The following PAM16 variants were observed in gnomAD, a reference collection of about 807,000 sequenced individuals.
PAM16 encodes mitochondrial import inner membrane translocase subunit TIM16.
PAM16 carries 11 observed loss-of-function variants against 17.9 expected under a neutral mutation model. The observed-to-expected ratio is 0.62, with a 90% CI of 0.39 to 1.02. The LOEUF is 1.02. Ranked by LOEUF, PAM16 falls within the 50% of genes least tolerant of loss-of-function variation. The pLI, the probability that PAM16 is intolerant of heterozygous loss-of-function variation, is 0.01. For missense variants in PAM16, 199 were observed against 165.4 expected, an observed-to-expected ratio of 1.20 and a Z score of -1.11; for synonymous variants, 72 against 67.4, an observed-to-expected ratio of 1.07 and a Z score of -0.34.
chr16:4,340,340 T>G lies in PAM16; in HGVS notation c.357A>C (p.Lys119Asn). The G allele has an allele frequency of 1.9e-6, 3 of 1,612,810 alleles. No individual in the cohort carries two copies. The highest frequency in any genetic ancestry group is 2.5e-6 in the Non-Finnish European group (3 of 1,179,796). Residue 119 changes from lysine (K) to asparagine (N), a missense_variant, in exon 5 of 5, where the codon AAA becomes AAC. Coordinates refer to ENST00000318059, the MANE Select transcript of PAM16 (RefSeq NM_016069.11). ...LKIQAQEDRE[K>N]GQMPHT ...GCAGTCACGTATGGGGCATCTGCCC[T>G]TTTTCTCTGTCCTCCTGGGCCTGGA...
chr16:4,341,121 TGA>T, intron 3 of PAM16, 136 bp from the exon 4 acceptor site: 1 of 1,267,634 alleles, frequency 7.9e-7, no homozygotes, highest in Non-Finnish European at 1.1e-6. Context: ...TTGTGGCCAC[TGA>T]GAGGCAGAGA....
At chr16:4,342,715 C>T (rs2053668047) in intron 2 of PAM16, among the ~76,000 whole-genome samples, 1 of 151,958 alleles carries the variant, frequency 6.6e-6, no homozygotes, top group Admixed American at 6.6e-5. Flanking sequence ...ACCTGTAATC[C>T]CAGCACTTTG....
intron 2 of PAM16, 21 bp downstream of exon 2, chr16:4,343,186 G>A (rs1241967340): frequency 1.5e-5 from 24 of 1,612,048 alleles, no homozygotes; most frequent in Admixed American, 1.0e-4. Flanking sequence ...CAGCCCACAG[G>A]GGAGACGGAC....
intron 3 of PAM16, 142 bp from the exon 4 acceptor site, chr16:4,341,127 G>T: frequency 8.2e-7 from 1 of 1,224,822 alleles, no homozygotes; most frequent in Non-Finnish European, 1.2e-6. Flanking sequence ...CCACTGAGAG[G>T]CAGAGATGGG....
At chr16:4,345,670 C>T (rs1165643299) in intron 1 of PAM16, 1 of 166,296 alleles carries the variant, frequency 6.0e-6, no homozygotes, top group Non-Finnish European at 1.2e-5. Context: ...TTCTGGATTT[C>T]ACAGCAGAAA....
Position 4,341,352 on chromosome 16 carries a change from G to A in PAM16, c.225+16C>T. 1 of 1,561,662 alleles carries A rather than the reference G, an allele frequency of 6.4e-7. No homozygotes were observed. Among genetic ancestry groups the A allele is most frequent in the Non-Finnish European group, 8.7e-7 (1 of 1,152,542 alleles). On this transcript the variant is annotated intron_variant, in intron 3 of 4. Coordinates refer to ENST00000318059, the MANE Select transcript of PAM16 (RefSeq NM_016069.11). ...GCCTCTCCCTCTCAAACTTTGGGGT[G>A]GCCCAGTGGCCTCACCTTCTGGACC...
At chr16:4,346,056 T>G in intron 1 of PAM16, 1 of 756,672 alleles carries the variant, frequency 1.3e-6, no homozygotes, top group African/African-American at 1.9e-5. Context: ...CTGGGGAGCT[T>G]CCCCGACCAT....
intron 1 of PAM16, chr16:4,343,593 G>C: frequency 7.2e-7 from 1 of 1,380,400 alleles, no homozygotes; most frequent in Non-Finnish European, 9.3e-7. Flanking sequence ...TGCAACCACC[G>C]GCTTCAGGAA....
chr16:4,351,159 G>C, intron 1 of PAM16, 73 bp downstream of exon 1: 2 of 922,572 alleles, frequency 2.2e-6, no homozygotes, highest in Non-Finnish European at 2.9e-6. Flanking sequence ...CCAGCCCGGA[G>C]CTCGCCGCCC....
intron 1 of PAM16, among the ~76,000 whole-genome samples, chr16:4,349,848 C>G (rs1319460912): frequency 6.6e-6 from 1 of 152,100 alleles, no homozygotes; most frequent in Non-Finnish European, 1.5e-5. Context: ...GGATGCATGA[C>G]TATGGTGGAG....
Position 4,343,095 on chromosome 16 carries a change from C to T in PAM16, c.88+112G>A, listed in dbSNP as rs551343355. Reference sequence around the variant, plus strand: ...GCATCACCCCCCACCATGGGAAGTGCCTCAGGCCACGCACACTTCAGAACC... The same window carrying T: ...GCATCACCCCCCACCATGGGAAGTGTCTCAGGCCACGCACACTTCAGAACC... On this transcript the variant is annotated intron_variant, in intron 2 of 4. Transcript: ENST00000318059. 13 of 1,417,930 alleles carry T rather than the reference C, an allele frequency of 9.2e-6. No individual in the cohort carries two copies. The African/African-American group carries it at 1.7e-4, about 19-fold the overall frequency. The allele number at this position is 1,417,930 out of a possible 1,614,324, so 87.8% of individuals were successfully genotyped here.
intron 1 of PAM16, among the ~76,000 whole-genome samples, chr16:4,344,941 C>G (rs902183793): frequency 2.6e-5 from 4 of 151,844 alleles, no homozygotes; most frequent in African/African-American, 9.7e-5. Flanking sequence ...GGCAGAGGGA[C>G]TGGGTTGAGC....
chr16:4,342,814 C>T (rs1163049416), intron 2 of PAM16, among the ~76,000 whole-genome samples: 1 of 151,962 alleles, frequency 6.6e-6, no homozygotes, highest in African/African-American at 2.4e-5. Context: ...CAAAAATTAG[C>T]CTGGTATGGT....
intron 1 of PAM16, chr16:4,345,793 C>T (rs2053749240): frequency 1.7e-5 from 17 of 976,508 alleles, no homozygotes; most frequent in South Asian, 4.7e-5. Context: ...CACCTGACTT[C>T]GCCTCCTTCC....
At position 4,351,277 on chromosome 16, in the gene PAM16, C is replaced by G; in HGVS notation, c.-43G>C. The stretch of plus-strand genomic sequence containing the variant: ...CGGGGCTCAAACTCCGACTTCCTGG[C>G]CCCGCGGCCGGGGATCAAGCGTGGT... On this transcript the variant is annotated 5_prime_UTR_variant, in exon 1 of 5. Coordinates refer to ENST00000318059, the MANE Select transcript of PAM16 (RefSeq NM_016069.11). The G allele has an allele frequency of 6.9e-7, 1 of 1,450,158 alleles. No homozygotes were observed. 89.8% of individuals were successfully genotyped at this position (1,450,158 alleles called of 1,614,324 possible).
chr16:4,344,093 T>C (rs2053694775), intron 1 of PAM16: 3 of 397,376 alleles, frequency 7.5e-6, no homozygotes, highest in Admixed American at 8.9e-5. Flanking sequence ...CACGTGTGAT[T>C]CCATGCCCCG....
At chr16:4,341,790 T>G (rs2053652578) in intron 2 of PAM16, 3 of 457,424 alleles carry the variant, frequency 6.6e-6, no homozygotes, top group African/African-American at 1.9e-5. Flanking sequence ...AACCCCCATA[T>G]CCCAGGGGAA....
chr16:4,341,618 G>T, intron 2 of PAM16, 114 bp from the exon 3 acceptor site: 1 of 1,459,318 alleles, frequency 6.9e-7, no homozygotes. Flanking sequence ...CACAGGGACA[G>T]GTGGCTAGGA....
At chr16:4,345,165 A>G (rs1395856277) in intron 1 of PAM16, 1 of 152,174 alleles carries the variant, frequency 6.6e-6, no homozygotes, top group African/African-American at 2.4e-5. Context: ...GCAGCTCGGC[A>G]TAGGTTGAAA....
Sources: gnomAD v4.1 joint callset for allele counts (sites outside exome capture counted in the v4.1 genomes callset) on GRCh38, gnomAD v4.1.1 for gene constraint, MANE v1.5 for transcripts, NCBI Gene and HGNC (gene_info 2026-07-23, HGNC 2026-07-21) for gene names.